FHIT: variants seen among roughly 807,000 people sequenced by gnomAD.
The protein encoded by FHIT is bis(5'-adenosyl)-triphosphatase.
A neutral mutation model predicts 17.9 loss-of-function variants in FHIT; 19 were observed. That is an observed-to-expected ratio of 1.06 (90% CI 0.74 to 1.56). The LOEUF (loss-of-function observed/expected upper bound fraction) is 1.56, where lower values mean the gene tolerates loss of function less well. FHIT is among the 40% of genes most tolerant of loss of function. The probability of loss-of-function intolerance (pLI) is 0.00; values close to 1 mark genes in which losing one functional copy is unlikely to be tolerated. For synonymous variants in FHIT, 81 were observed against 69.7 expected, an observed-to-expected ratio of 1.16 and a Z score of -0.81; for missense variants, 248 against 189.2, an observed-to-expected ratio of 1.31 and a Z score of -1.82.
Position 60,949,278 on chromosome 3 carries a change from G to A in FHIT, c.-111+92769C>T, listed in dbSNP as rs1057061851. 5.9e-5 allele frequency among the ~76,000 whole-genome samples: 9 copies of A among 152,144 alleles called. No individual in the cohort carries two copies. In the East Asian group the frequency reaches 7.7e-4, roughly 13 times the overall value. On this transcript the variant is annotated intron_variant, in intron 3 of 9. Coordinates refer to ENST00000492590, the MANE Select transcript of FHIT (RefSeq NM_002012.4). ...GCATTTCCCCTTTTACTCTCCTGGA[G>A]GCCAAACTTCTTTGCAATCTCTGCT...
chr3:60,681,130 T>C (rs561119111), intron 4 of FHIT, among the ~76,000 whole-genome samples: 2 of 152,340 alleles, frequency 1.3e-5, no homozygotes, highest in East Asian at 3.9e-4. Context: ...ACTTTGCATC[T>C]AGCAAGTCTA....
chr3:61,050,492 A>T (rs2033985292), intron 2 of FHIT, among the ~76,000 whole-genome samples: 1 of 152,238 alleles, frequency 6.6e-6, no homozygotes, highest in African/African-American at 2.4e-5. Flanking sequence ...AATATTAAGG[A>T]ATTATTATTA....
chr3:61,054,443 A>G (rs1414203967), intron 2 of FHIT, among the ~76,000 whole-genome samples: 2 of 152,172 alleles, frequency 1.3e-5, no homozygotes, highest in Non-Finnish European at 2.9e-5. Flanking sequence ...CTAATGATAA[A>G]GATCTTTAAT....
At chr3:60,039,057 CAG>C (rs1283894005) in intron 5 of FHIT, among the ~76,000 whole-genome samples, 2 of 152,198 alleles carry the variant, frequency 1.3e-5, no homozygotes, top group African/African-American at 4.8e-5. Context: ...AGGGCCATCT[CAG>C]TGGCTTCTAT....
At chr3:60,373,495 G>T (rs930013370) in intron 5 of FHIT, among the ~76,000 whole-genome samples, 1 of 152,132 alleles carries the variant, frequency 6.6e-6, no homozygotes, top group African/African-American at 2.4e-5. Flanking sequence ...GGAGCTCAGA[G>T]GCCATCTTAG....
intron 5 of FHIT, among the ~76,000 whole-genome samples, chr3:60,156,901 T>C (rs964097659): frequency 6.6e-6 from 1 of 152,158 alleles, no homozygotes; most frequent in African/African-American, 2.4e-5. Context: ...TGTGCATTAG[T>C]ATGCTAGCAA....
rs1015450782 is a variant in FHIT, at chr3:59,895,645, C to A, written c.348+26701G>T. 1.1e-4 allele frequency among the ~76,000 whole-genome samples: 16 copies of A among 152,234 alleles called. No homozygotes were observed. The South Asian group carries it at 3.1e-3, about 30-fold the overall frequency. On this transcript the variant is annotated intron_variant, in intron 8 of 9. Transcript: ENST00000492590. ...CCAGCACCAACATATTTCTAGAATC[C>A]ACTTGCTTCTCTCCTTCCATGAAGC... is the stretch of plus-strand genomic sequence containing the variant.
chr3:59,898,363 A>G (rs1161632758), intron 8 of FHIT, among the ~76,000 whole-genome samples: 1 of 152,102 alleles, frequency 6.6e-6, no homozygotes, highest in Non-Finnish European at 1.5e-5. Flanking sequence ...AGCATTTCAG[A>G]TAAGGGGCAG....
chr3:60,450,460 A>G (rs2031663381), intron 5 of FHIT, among the ~76,000 whole-genome samples: 1 of 152,142 alleles, frequency 6.6e-6, no homozygotes, highest in Non-Finnish European at 1.5e-5. Flanking sequence ...ATAGAACTGT[A>G]TAGAACTATG....
At chr3:60,549,721 A>G (rs957318010) in intron 4 of FHIT, among the ~76,000 whole-genome samples, 29 of 152,226 alleles carry the variant, frequency 1.9e-4, no homozygotes, top group African/African-American at 7.0e-4. Context: ...CCTAGATAAA[A>G]CAATCTACCA....
In FHIT at chr3:61,092,090, G is replaced by GA. The variant is rs1222521328; in HGVS notation, c.-163-49992dup. 4.8e-3 allele frequency among the ~76,000 whole-genome samples: 474 copies of GA among 98,442 alleles called. 4 individuals carry two copies. Among genetic ancestry groups the GA allele is most frequent in the Admixed American group, 7.1e-3 (53 of 7,440 alleles). 64.6% of individuals were successfully genotyped at this position (98,442 alleles called of 152,430 possible). A position where few individuals can be genotyped will look rare whatever the true frequency, so the allele number is the denominator to read the frequency against. On this transcript the variant is annotated intron_variant, in intron 2 of 9. Transcript: ENST00000492590. ...AATGTACTCAAGATTCAGAATCTCT[G>GA]AAAAAAAAAGAGTGGTGGGGTGGGG...
intron 5 of FHIT, among the ~76,000 whole-genome samples, chr3:60,162,642 C>T (rs1162350816): frequency 6.6e-6 from 1 of 152,134 alleles, no homozygotes; most frequent in Non-Finnish European, 1.5e-5. Context: ...TTATGAAATG[C>T]ATTTCATTTT....
chr3:60,157,421 G>C (rs1039178457), intron 5 of FHIT, among the ~76,000 whole-genome samples: 3 of 152,134 alleles, frequency 2.0e-5, no homozygotes, highest in Admixed American at 2.0e-4. Flanking sequence ...TTTAAAATGA[G>C]AGTTTTGATT....
intron 5 of FHIT, among the ~76,000 whole-genome samples, chr3:60,208,081 T>A (rs768997944): frequency 1.3e-5 from 2 of 152,182 alleles, no homozygotes; most frequent in South Asian, 4.1e-4. Flanking sequence ...TTATGACCTA[T>A]TACCAGTGGT....
At chr3:61,183,318 G>GTGAATGAATGAAAGAATGAATGAA in intron 2 of FHIT, among the ~76,000 whole-genome samples, 1 of 151,980 alleles carries the variant, frequency 6.6e-6, no homozygotes, top group African/African-American at 2.4e-5. Context: ...TCAACCACAA[G>GTGAATGAATGAAAGAATGAATGAA]TGAATGAATG....
intron 5 of FHIT, among the ~76,000 whole-genome samples, chr3:60,239,596 C>T (rs1436724710): frequency 6.6e-6 from 1 of 151,984 alleles, no homozygotes; most frequent in Non-Finnish European, 1.5e-5. Flanking sequence ...TTGTTTTGGG[C>T]ATGAAAAATA....
chr3:60,433,417 T>C (rs2029913750), intron 5 of FHIT, among the ~76,000 whole-genome samples: 1 of 152,142 alleles, frequency 6.6e-6, no homozygotes, highest in African/African-American at 2.4e-5. Context: ...CTGATTTTAA[T>C]TCTTTAAAAT....
At chr3:61,224,314 A>G (rs1576257055) in intron 1 of FHIT, among the ~76,000 whole-genome samples, 3 of 152,252 alleles carry the variant, frequency 2.0e-5, no homozygotes, top group Admixed American at 6.5e-5. Flanking sequence ...ATGGGTTCCA[A>G]TCTCAGCAAC....
chr3:60,746,930 T>C (rs1553715482), intron 4 of FHIT, among the ~76,000 whole-genome samples: 2 of 152,162 alleles, frequency 1.3e-5, no homozygotes, highest in East Asian at 1.9e-4. Context: ...GACTGAACCA[T>C]GTACATTCAC....
Sources: allele counts gnomAD v4.1 joint callset (sites outside exome capture counted in the v4.1 genomes callset), GRCh38; gene constraint gnomAD v4.1.1; transcripts MANE v1.5; gene names NCBI Gene and HGNC (gene_info 2026-07-23, HGNC 2026-07-21).